The following TYW1 variants were observed in gnomAD, a reference collection of about 807,000 sequenced individuals.
TYW1 encodes tRNA-yW synthesizing protein 1 homolog.
Under a neutral mutation model 96.2 loss-of-function variants are expected in TYW1, and 46 were observed. The observed-to-expected ratio is 0.48, with a 90% CI of 0.38 to 0.61. The LOEUF (loss-of-function observed/expected upper bound fraction) is 0.61. Among genes scored for constraint, TYW1 ranks in the 20% least tolerant of loss-of-function variants. TYW1 has a pLI of 0.00. For missense variants in TYW1, 684 were observed against 909.6 expected (o/e 0.75, Z 3.19); for synonymous variants, 274 against 323.0 (o/e 0.85, Z 1.63).
rs1793179455 is a variant in TYW1, at chr7:66,996,839, G to C, written c.-140G>C. Reference sequence around the variant, plus strand: ...TGAACCAATCAGGACCGGCCTGGCAGTGTCATGGCTGCCCACAGGTCTGCA... The same window carrying C: ...TGAACCAATCAGGACCGGCCTGGCACTGTCATGGCTGCCCACAGGTCTGCA... On this transcript the variant is annotated 5_prime_UTR_variant, in exon 1 of 16. Coordinates refer to ENST00000359626, the MANE Select transcript of TYW1 (RefSeq NM_018264.4). 4.7e-6 allele frequency: 7 copies of C among 1,488,632 alleles called. No homozygotes were observed. Among genetic ancestry groups the C allele is most frequent in the Non-Finnish European group, 6.4e-6 (7 of 1,090,316 alleles). 92.2% of individuals were successfully genotyped at this position (1,488,632 alleles called of 1,614,324 possible).
At chr7:67,110,025 A>G (rs1327659102) in intron 12 of TYW1, among the ~76,000 whole-genome samples, 6 of 152,168 alleles carry the variant, frequency 3.9e-5, no homozygotes, top group Admixed American at 3.9e-4. Context: ...TTGTATGGCA[A>G]ACCTGGAAAC....
chr7:67,019,692 A>T (rs1464016439), intron 6 of TYW1, among the ~76,000 whole-genome samples: 2 of 152,290 alleles, frequency 1.3e-5, no homozygotes, highest in Non-Finnish European at 2.9e-5. Flanking sequence ...CAGCTGTCTC[A>T]GACACACTTT....
chr7:67,056,027 G>C, intron 9 of TYW1, 140 bp downstream of exon 9: 1 of 668,574 alleles, frequency 1.5e-6, no homozygotes, highest in South Asian at 3.1e-5. Context: ...TCTTTAAAAT[G>C]AGTTCAGCAA....
chr7:67,238,174 T>G (rs1801952922), intron 15 of TYW1, 134 bp from the exon 16 acceptor site: 5 of 1,332,026 alleles, frequency 3.8e-6, no homozygotes, highest in East Asian at 4.9e-5. Context: ...GAGGTTTTTT[T>G]GTGTTTGTTT....
At chr7:67,029,382 C>CGTGTGTGTGTGTGTGT (rs67162571) in intron 7 of TYW1, among the ~76,000 whole-genome samples, 2 of 106,768 alleles carry the variant, frequency 1.9e-5, no homozygotes, top group Admixed American at 1.1e-4. Flanking sequence ...TGTGTGTGTG[C>CGTGTGTGTGTGTGTGT]GTGTGTGTGT....
intron 15 of TYW1, among the ~76,000 whole-genome samples, chr7:67,208,414 G>A (rs572746669): frequency 4.6e-5 from 7 of 151,656 alleles, no homozygotes; most frequent in South Asian, 2.1e-4. Context: ...CACAACCATC[G>A]GGCGCGGTGG....
intron 13 of TYW1, among the ~76,000 whole-genome samples, chr7:67,151,035 C>T (rs1798781460): frequency 6.6e-6 from 1 of 150,946 alleles, no homozygotes; most frequent in African/African-American, 2.5e-5. Context: ...TCTTTTCCTG[C>T]CATTATATTC....
At chr7:67,197,446 C>A (rs35120837) in intron 15 of TYW1, among the ~76,000 whole-genome samples, 38,078 of 151,856 alleles carry the variant, frequency 0.25, 4,944 homozygotes, top group African/African-American at 0.3. Flanking sequence ...CTGCCTTAGC[C>A]GCCCGAGTAG....
At chr7:67,166,279 A>G (rs1329797473) in intron 13 of TYW1, among the ~76,000 whole-genome samples, 1 of 146,714 alleles carries the variant, frequency 6.8e-6, no homozygotes, top group Non-Finnish European at 1.5e-5. Context: ...AAAGACTTTT[A>G]AAATTTGAAT....
chr7:67,206,661 AAAT>A (rs1800811573), intron 15 of TYW1, among the ~76,000 whole-genome samples: 2 of 141,400 alleles, frequency 1.4e-5, no homozygotes, highest in African/African-American at 5.3e-5. Flanking sequence ...ATAAATAAAT[AAAT>A]AAAATGAAGC....
intron 4 of TYW1, among the ~76,000 whole-genome samples, chr7:67,014,053 C>G (rs1793918956): frequency 6.6e-6 from 1 of 151,950 alleles, no homozygotes; most frequent in African/African-American, 2.4e-5. Flanking sequence ...TGTATTTTTT[C>G]TTGATTGATT....
chr7:67,133,678 A>G (rs1197053512), intron 13 of TYW1, among the ~76,000 whole-genome samples: 1 of 138,982 alleles, frequency 7.2e-6, no homozygotes, highest in African/African-American at 2.9e-5. Context: ...GTGCCTGGCC[A>G]TTGTCAGGGT....
At chr7:67,236,167 G>A (rs2116457040) in intron 15 of TYW1, among the ~76,000 whole-genome samples, 1 of 152,326 alleles carries the variant, frequency 6.6e-6, no homozygotes, top group Admixed American at 6.5e-5. Flanking sequence ...CCAGAGCAAA[G>A]GATGAAGGAC....
chr7:67,199,115 T>A (rs2116354937), intron 15 of TYW1, among the ~76,000 whole-genome samples: 1 of 152,224 alleles, frequency 6.6e-6, no homozygotes, highest in South Asian at 2.1e-4. Flanking sequence ...AAGGATCATC[T>A]GAGCCCAGGA....
chr7:67,111,554 A>G (rs973648907), intron 12 of TYW1, among the ~76,000 whole-genome samples: 58 of 152,156 alleles, frequency 3.8e-4, no homozygotes, highest in African/African-American at 1.4e-3. Flanking sequence ...CATCAAATAG[A>G]CTATCACTAA....
intron 15 of TYW1, among the ~76,000 whole-genome samples, chr7:67,203,441 C>G (rs1168944730): frequency 6.6e-6 from 1 of 152,120 alleles, no homozygotes; most frequent in South Asian, 2.1e-4. Flanking sequence ...TGCGTCTCTT[C>G]GTATAGACTT....
intron 15 of TYW1, among the ~76,000 whole-genome samples, chr7:67,203,513 G>A (rs4718475): frequency 0.25 from 38,261 of 151,958 alleles, 4,998 homozygotes; most frequent in African/African-American, 0.3. Flanking sequence ...TACTGGTGTC[G>A]GCATGTTAGC....
intron 11 of TYW1, among the ~76,000 whole-genome samples, chr7:67,088,646 C>G (rs929057294): frequency 6.6e-6 from 1 of 152,204 alleles, no homozygotes; most frequent in Non-Finnish European, 1.5e-5. Context: ...TCACTGCAGC[C>G]TCAACCTCCT....
intron 7 of TYW1, among the ~76,000 whole-genome samples, chr7:67,047,506 A>G (rs1286313749): frequency 2.0e-5 from 3 of 152,144 alleles, no homozygotes; most frequent in Non-Finnish European, 4.4e-5. Flanking sequence ...TTGTTTATGA[A>G]TTTTTTCAGC....
Sources: gnomAD v4.1 joint callset for allele counts (sites outside exome capture counted in the v4.1 genomes callset) on GRCh38, gnomAD v4.1.1 for gene constraint, MANE v1.5 for transcripts, NCBI Gene and HGNC (gene_info 2026-07-23, HGNC 2026-07-21) for gene names.